The following HCN1 variants were observed in gnomAD, a reference collection of about 807,000 sequenced individuals.
HCN1 encodes the protein hyperpolarization activated cyclic nucleotide gated potassium channel 1, also known as potassium/sodium hyperpolarization-activated cyclic nucleotide-gated channel 1.
In HCN1, 13 loss-of-function variants were observed where a neutral mutation model predicts 78.9. The ratio of observed to expected loss-of-function variants is 0.16; its 90% CI spans 0.11 to 0.26. The LOEUF (loss-of-function observed/expected upper bound fraction) is 0.26. Ranked by LOEUF, HCN1 falls within the 10% of genes least tolerant of loss-of-function variation. The pLI, the probability that HCN1 is intolerant of heterozygous loss-of-function variation, is 1.00. For synonymous variants in HCN1, 552 were observed against 455.5 expected, an observed-to-expected ratio of 1.21 and a Z score of -2.70; for missense variants, 810 against 1,154.3, an observed-to-expected ratio of 0.70 and a Z score of 4.32.
At chr5:45,519,809 A>T (rs1561186263) in intron 2 of HCN1, among the ~76,000 whole-genome samples, 1 of 147,108 alleles carries the variant, frequency 6.8e-6, no homozygotes, top group Non-Finnish European at 1.5e-5. Flanking sequence ...TTTAAAATGT[A>T]TTTTTTTTTT....
At chr5:45,339,917 A>T (rs1164211309) in intron 5 of HCN1, among the ~76,000 whole-genome samples, 3 of 151,930 alleles carry the variant, frequency 2.0e-5, no homozygotes, top group Non-Finnish European at 2.9e-5. Flanking sequence ...TAATTTATGT[A>T]TGTATTTATT....
chr5:45,602,073 C>G (rs890981609), intron 2 of HCN1, among the ~76,000 whole-genome samples: 1 of 152,010 alleles, frequency 6.6e-6, no homozygotes, highest in Non-Finnish European at 1.5e-5. Flanking sequence ...CTCTTGCCAC[C>G]CTGTGAAGAG....
At chr5:45,393,967 T>G (rs182520231) in intron 4 of HCN1, among the ~76,000 whole-genome samples, 1 of 152,300 alleles carries the variant, frequency 6.6e-6, no homozygotes, top group East Asian at 1.9e-4. Context: ...AGATTTTTCC[T>G]GATAGAACTA....
At chr5:45,492,346 A>G (rs1428531700) in intron 2 of HCN1, among the ~76,000 whole-genome samples, 1 of 146,814 alleles carries the variant, frequency 6.8e-6, no homozygotes, top group Non-Finnish European at 1.5e-5. Flanking sequence ...AGGTGTGACA[A>G]ATAAGCTAAA....
At chr5:45,299,294 T>A (rs984949825) in intron 6 of HCN1, among the ~76,000 whole-genome samples, 1 of 152,012 alleles carries the variant, frequency 6.6e-6, no homozygotes, top group Non-Finnish European at 1.5e-5. Context: ...GATGTTTACA[T>A]TGGAATTATC....
intron 2 of HCN1, among the ~76,000 whole-genome samples, chr5:45,556,109 A>C (rs1743462330): frequency 2.0e-5 from 3 of 152,024 alleles, no homozygotes. Flanking sequence ...AAACCACTAA[A>C]AGAAAACATT....
chr5:45,568,641 T>C (rs1169562709), intron 2 of HCN1, among the ~76,000 whole-genome samples: 1 of 152,064 alleles, frequency 6.6e-6, no homozygotes, highest in African/African-American at 2.4e-5. Flanking sequence ...TTTTATTCTG[T>C]TATCCATTAA....
chr5:45,305,015 T>C (rs1405614731), intron 5 of HCN1, among the ~76,000 whole-genome samples: 1 of 152,162 alleles, frequency 6.6e-6, no homozygotes, highest in Non-Finnish European at 1.5e-5. Context: ...ACAAAGCCAA[T>C]TCTCAGAAAT....
At chr5:45,561,106 T>C (rs1743590800) in intron 2 of HCN1, among the ~76,000 whole-genome samples, 1 of 152,104 alleles carries the variant, frequency 6.6e-6, no homozygotes, top group Non-Finnish European at 1.5e-5. Flanking sequence ...CTTAATTTCA[T>C]CCCAATCAGA....
chr5:45,638,730 C>G (rs1352159671), intron 2 of HCN1, among the ~76,000 whole-genome samples: 1 of 152,116 alleles, frequency 6.6e-6, no homozygotes, highest in African/African-American at 2.4e-5. Context: ...TGGTGAAACC[C>G]TGTCTCTACT....
chr5:45,689,874 T>C (rs760913076), intron 1 of HCN1, among the ~76,000 whole-genome samples: 1 of 152,136 alleles, frequency 6.6e-6, no homozygotes, highest in Non-Finnish European at 1.5e-5. Context: ...TTACATTTTC[T>C]GTCCTAAAAC....
At chr5:45,613,673 A>G (rs941413471) in intron 2 of HCN1, among the ~76,000 whole-genome samples, 6 of 152,078 alleles carry the variant, frequency 3.9e-5, no homozygotes, top group African/African-American at 1.4e-4. Context: ...ACGTATGTTT[A>G]TTGTGGCATT....
chr5:45,500,194 T>C (rs955284802), intron 2 of HCN1, among the ~76,000 whole-genome samples: 2 of 152,094 alleles, frequency 1.3e-5, no homozygotes, highest in African/African-American at 2.4e-5. Context: ...TTTTCTTATT[T>C]TAAAATTAAT....
rs71590659 is a variant in HCN1 at position 45,663,330 on chromosome 5, G to T, written c.426-17722C>A. Among the ~76,000 whole-genome samples the T allele has an allele frequency of 1.9e-4, 27 of 141,812 alleles. No individual in the cohort carries two copies. In the East Asian group the frequency reaches 5.3e-3, roughly 28 times the overall value. The allele number at this position is 141,812 out of a possible 152,430, so 93.0% of individuals were successfully genotyped here. On this transcript the variant is annotated intron_variant, in intron 1 of 7. Transcript: ENST00000303230. ...TTCAAGATGGATTAAAGATTTAAAC[G>T]TTAGACCTAAAACCATAAAAACCCT...
intron 2 of HCN1, among the ~76,000 whole-genome samples, chr5:45,479,003 C>A (rs977875385): frequency 2.0e-5 from 3 of 151,938 alleles, no homozygotes; most frequent in African/African-American, 7.3e-5. Context: ...TTCCTATAAT[C>A]CCAGCTACAC....
intron 2 of HCN1, among the ~76,000 whole-genome samples, chr5:45,600,296 C>A (rs185490654): frequency 2.6e-4 from 40 of 151,968 alleles, no homozygotes; most frequent in Admixed American, 1.2e-3. Context: ...ATTAATTGAC[C>A]CCAAAATATT....
At position 45,695,796 on chromosome 5, in the gene HCN1, A is replaced by T; in HGVS notation, c.298T>A (p.Ser100Thr). 6.2e-7 allele frequency: 1 copy of T among 1,610,964 alleles called. No individual in the cohort carries two copies. Among genetic ancestry groups the T allele is most frequent in the Non-Finnish European group, 8.5e-7 (1 of 1,179,554 alleles). Residue 100 changes from serine (S) to threonine (T), a missense_variant, in exon 1 of 8, where the codon TCC (serine) becomes ACC (threonine). Around this residue, in one of 6 missense-constraint regions of HCN1, gnomAD observed 170 missense variants for 166.8 expected, o/e 1.02. Coordinates refer to ENST00000303230, the MANE Select transcript of HCN1 (RefSeq NM_021072.4). The part of the protein sequence containing the change: ...QYGFMQRQFT[S>T]MLQPGVNKFS... ...TTGTTGACCCCGGGCTGCAGCATGG[A>T]GGTGAACTGCCTCTGCATGAAGCCG...
intron 2 of HCN1, among the ~76,000 whole-genome samples, chr5:45,521,548 T>C (rs950386474): frequency 6.6e-6 from 1 of 151,982 alleles, no homozygotes; most frequent in East Asian, 1.9e-4. Context: ...CCTTCTTTCA[T>C]CTGTGTCTTT....
intron 1 of HCN1, among the ~76,000 whole-genome samples, chr5:45,694,651 T>C (rs928204359): frequency 2.0e-5 from 3 of 152,218 alleles, no homozygotes; most frequent in Non-Finnish European, 4.4e-5. Flanking sequence ...CCTGAGTTAT[T>C]AGGAGTTACT....
Sources: gnomAD v4.1 joint callset for allele counts (sites outside exome capture counted in the v4.1 genomes callset) on GRCh38, gnomAD v4.1.1 for gene constraint, gnomAD v4.1.1 regional missense constraint, MANE v1.5 for transcripts, NCBI Gene and HGNC (gene_info 2026-07-23, HGNC 2026-07-21) for gene names.